Variants in SRSF12 observed in about 807,000 individuals in gnomAD.
SRSF12 encodes the protein serine/arginine-rich splicing factor 12.
In SRSF12, 21 loss-of-function variants were observed where a neutral mutation model predicts 34.1. That is an observed-to-expected ratio of 0.62 (90% CI 0.44 to 0.89). SRSF12 has a LOEUF of 0.89. Ranked by LOEUF, SRSF12 falls within the 40% of genes least tolerant of loss-of-function variation. SRSF12 has a pLI of 0.00. For synonymous variants in SRSF12, 111 were observed against 110.8 expected (o/e 1.00, Z -0.01); for missense variants, 278 against 327.8 (o/e 0.85, Z 1.17).
At chr6:89,102,847 G>A (rs931345767) in intron 4 of SRSF12, among the ~76,000 whole-genome samples, 1 of 152,142 alleles carries the variant, frequency 6.6e-6, no homozygotes, top group Admixed American at 6.6e-5. Context: ...GACCTACTGG[G>A]CTCAAGGAGT....
chr6:89,107,210 G>A lies in SRSF12; in HGVS notation c.114C>T (p.Asp38=), dbSNP rs1464685278. 16 of 1,613,788 alleles carry A rather than the reference G, an allele frequency of 9.9e-6. No individual in the cohort carries two copies. The highest frequency in any genetic ancestry group is 2.7e-5 in the African/African-American group (2 of 74,838). ...TGTAGAAGTCAAGTGGAATGTAAAC[G>A]TCTACTATAGGGCCATATCGACCAA... ...REFGRYGPIV[D]VYIPLDFYTR... The change falls in exon 2 of 5, where the codon GAC becomes GAT. Residue 38 remains aspartate (D), a synonymous_variant. Coordinates refer to ENST00000452027, the MANE Select transcript of SRSF12 (RefSeq NM_080743.5).
At chr6:89,108,690 G>A (rs1486573805) in intron 1 of SRSF12, among the ~76,000 whole-genome samples, 2 of 152,134 alleles carry the variant, frequency 1.3e-5, no homozygotes, top group Non-Finnish European at 2.9e-5. Flanking sequence ...GAAGAAAAGA[G>A]GCAAAAGAAG....
intron 1 of SRSF12, among the ~76,000 whole-genome samples, chr6:89,109,053 G>T (rs1766474848): frequency 6.6e-6 from 1 of 152,084 alleles, no homozygotes; most frequent in South Asian, 2.1e-4. Context: ...CCTACCATGT[G>T]CCAGGCTCTA....
chr6:89,099,604 C>T (rs10455502), intron 4 of SRSF12, among the ~76,000 whole-genome samples: 96,791 of 148,098 alleles, frequency 0.65, 32,461 homozygotes, highest in East Asian at 0.78. Context: ...GGCACGATCT[C>T]AGCTCACCGC....
intron 1 of SRSF12, among the ~76,000 whole-genome samples, chr6:89,114,477 C>T (rs944616318): frequency 2.0e-5 from 3 of 151,874 alleles, no homozygotes; most frequent in Non-Finnish European, 4.4e-5. Flanking sequence ...AGGGTTACTG[C>T]GAAAATTTAA....
intron 2 of SRSF12, 123 bp from the exon 3 acceptor site, chr6:89,105,653 CAATAT>C (rs1388550282): frequency 1.4e-5 from 9 of 641,992 alleles, no homozygotes; most frequent in Non-Finnish European, 2.0e-5. Context: ...CTCACATCTT[CAATAT>C]AATATGAATA....
chr6:89,116,730 G>A (rs1361956388), intron 1 of SRSF12, among the ~76,000 whole-genome samples: 1 of 151,354 alleles, frequency 6.6e-6, no homozygotes, highest in Non-Finnish European at 1.5e-5. Flanking sequence ...AACCAAGATC[G>A]GGCCATTGTA....
chr6:89,099,108 A>G lies in SRSF12; in HGVS notation c.417-161T>C, dbSNP rs376889393. On this transcript the variant is annotated intron_variant, in intron 4 of 4. Coordinates refer to ENST00000452027, the MANE Select transcript of SRSF12 (RefSeq NM_080743.5). Reference sequence around the variant, plus strand: ...TATTATGCATGCTTTTGGTTCAAACATAAGTAACAAGTTTGTAATATTTGT... The same window carrying G: ...TATTATGCATGCTTTTGGTTCAAACGTAAGTAACAAGTTTGTAATATTTGT... 3.9e-5 allele frequency among the ~76,000 whole-genome samples: 6 copies of G among 152,262 alleles called. No homozygotes were observed. In the East Asian group the frequency reaches 7.7e-4, roughly 20 times the overall value.
rs144700780 is a variant in SRSF12, at chr6:89,106,561, T to C, written c.170+593A>G. On this transcript the variant is annotated intron_variant, in intron 2 of 4. Coordinates refer to ENST00000452027, the MANE Select transcript of SRSF12 (RefSeq NM_080743.5). ...TATATAATATTAAACCTAGCTATAATGGAAATTAGCTATATAAAAATAAGT... is the reference window on the plus strand; with the variant it reads ...TATATAATATTAAACCTAGCTATAACGGAAATTAGCTATATAAAAATAAGT... The C allele has an allele frequency of 1.3e-3, 209 of 158,974 alleles. 1 individual carries two copies. Among genetic ancestry groups the C allele is most frequent in the Admixed American group, 8.9e-3 (147 of 16,534 alleles). The allele number at this position is 158,974 out of a possible 1,614,324, so 9.8% of individuals were successfully genotyped here. A position where few individuals can be genotyped will look rare whatever the true frequency, so the allele number is the denominator to read the frequency against.
chr6:89,103,206 G>A (rs77879936), intron 4 of SRSF12, among the ~76,000 whole-genome samples: 1,880 of 152,182 alleles, frequency 0.012, 50 homozygotes, highest in African/African-American at 0.043. Flanking sequence ...AGACAGTCAA[G>A]TATTATACTT....
In SRSF12 at chr6:89,105,105, C is replaced by T. The variant is rs747079830; in HGVS notation, c.416+14G>A. ...AAAAGTAGAAAATGAAATTTTCAGT[C>T]CTCTTATACTCACTCTTTAAGGCTG... On this transcript the variant is annotated intron_variant, in intron 4 of 4. Transcript: ENST00000452027. 2 of 1,569,242 alleles carry T rather than the reference C, an allele frequency of 1.3e-6. No homozygotes were observed. Among genetic ancestry groups the T allele is most frequent in the South Asian group, 2.3e-5 (2 of 85,152 alleles).
chr6:89,111,954 T>C lies in SRSF12; in HGVS notation c.66-4696A>G, dbSNP rs1452495494. On this transcript the variant is annotated intron_variant, in intron 1 of 4. Transcript: ENST00000452027. ...TTATGCAGTACAAAAGCAAAGATAT[T>C]ATTTTTCCTAAGCTACATCTTGTTT... Among the ~76,000 whole-genome samples, 3 of 152,212 alleles carry C rather than the reference T, an allele frequency of 2.0e-5. No individual in the cohort carries two copies. In the East Asian group the frequency reaches 5.8e-4, roughly 29 times the overall value.
At position 89,096,047 on chromosome 6, in the gene SRSF12, A is replaced by G. The variant is rs1188354676; in HGVS notation, c.*2531T>C. On this transcript the variant is annotated 3_prime_UTR_variant, in exon 5 of 5. Transcript: ENST00000452027. ...TTCTATGACAAAAGTGAACCCTGGAATATAGATATTCCCAGAAGACAATTT... is the reference window on the plus strand; with the variant it reads ...TTCTATGACAAAAGTGAACCCTGGAGTATAGATATTCCCAGAAGACAATTT... 1 of 152,240 alleles carries G rather than the reference A, an allele frequency of 6.6e-6. No individual in the cohort carries two copies. Among genetic ancestry groups the G allele is most frequent in the Non-Finnish European group, 1.5e-5 (1 of 68,036 alleles). The allele number at this position is 152,240 out of a possible 1,614,324, so 9.4% of individuals were successfully genotyped here. A position where few individuals can be genotyped will look rare whatever the true frequency, so the allele number is the denominator to read the frequency against.
intron 1 of SRSF12, among the ~76,000 whole-genome samples, chr6:89,117,168 G>T (rs957197375): frequency 6.6e-6 from 1 of 152,124 alleles, no homozygotes; most frequent in Non-Finnish European, 1.5e-5. Context: ...AATCAACCAG[G>T]TGAGCCTATA....
At chr6:89,109,100 C>T (rs1240137692) in intron 1 of SRSF12, among the ~76,000 whole-genome samples, 1 of 152,172 alleles carries the variant, frequency 6.6e-6, no homozygotes, top group Non-Finnish European at 1.5e-5. Context: ...ACAATTCCTG[C>T]TCCCACAGAC....
chr6:89,110,441 T>C (rs1295185814), intron 1 of SRSF12, among the ~76,000 whole-genome samples: 3 of 152,066 alleles, frequency 2.0e-5, no homozygotes, highest in East Asian at 1.9e-4. Flanking sequence ...CCACCACCAG[T>C]CTGGTGGAGG....
At chr6:89,102,206 C>T (rs563742787) in intron 4 of SRSF12, among the ~76,000 whole-genome samples, 99 of 152,028 alleles carry the variant, frequency 6.5e-4, no homozygotes, top group Non-Finnish European at 1.2e-3. Context: ...TGCAGTGGGG[C>T]GAGCTTGGCT....
intron 1 of SRSF12, among the ~76,000 whole-genome samples, chr6:89,108,444 C>T (rs1768893675): frequency 6.6e-6 from 1 of 152,216 alleles, no homozygotes. Flanking sequence ...TCTAAGCTCA[C>T]TGAGCCAGCA....
intron 1 of SRSF12, among the ~76,000 whole-genome samples, chr6:89,113,543 A>G (rs7768984): frequency 0.74 from 112,005 of 151,988 alleles, 41,351 homozygotes; most frequent in East Asian, 0.84. Context: ...TCCTGACCTC[A>G]AGTGATCCAC....
Sources: gnomAD v4.1 joint callset for allele counts (sites outside exome capture counted in the v4.1 genomes callset) on GRCh38, gnomAD v4.1.1 for gene constraint, MANE v1.5 for transcripts, NCBI Gene and HGNC (gene_info 2026-07-23, HGNC 2026-07-21) for gene names.